Variants in SPECC1 observed in about 807,000 individuals in gnomAD.
The protein encoded by SPECC1 is cytospin-B.
SPECC1 carries 62 observed loss-of-function variants against 104.1 expected under a neutral mutation model. The ratio of observed to expected loss-of-function variants is 0.60; its 90% CI spans 0.49 to 0.74. The LOEUF (loss-of-function observed/expected upper bound fraction) is 0.74, where lower values mean the gene tolerates loss of function less well. Ranked by LOEUF, SPECC1 falls within the 30% of genes least tolerant of loss-of-function variation. The probability of loss-of-function intolerance (pLI) is 0.00; values close to 1 mark genes in which losing one functional copy is unlikely to be tolerated. For missense variants in SPECC1, 1,306 were observed against 1,310.5 expected (o/e 1.00, Z 0.05); for synonymous variants, 513 against 501.6 (o/e 1.02, Z -0.30).
intron 3 of SPECC1, among the ~76,000 whole-genome samples, chr17:20,130,074 G>A (rs1274374395): frequency 6.6e-6 from 1 of 152,102 alleles, no homozygotes; most frequent in Non-Finnish European, 1.5e-5. Context: ...ACTTCTTTAA[G>A]ATTTTCTCTT....
intron 3 of SPECC1, among the ~76,000 whole-genome samples, chr17:20,174,871 C>G (rs998513726): frequency 6.6e-6 from 1 of 152,054 alleles, no homozygotes; most frequent in Non-Finnish European, 1.5e-5. Flanking sequence ...TTCCTGGCAC[C>G]TCATTTGACC....
chr17:20,070,235 T>TTTAGTTAGTTTGTGAGTACACTCAC (rs1477187776), intron 1 of SPECC1, among the ~76,000 whole-genome samples: 3 of 152,298 alleles, frequency 2.0e-5, no homozygotes, highest in East Asian at 3.9e-4. Flanking sequence ...TAAAGTACAA[T>TTTAGTTAGTTTGTGAGTACACTCAC]GTTAGTTTGT....
At chr17:20,240,315 TG>T (rs1317091053) in intron 7 of SPECC1, among the ~76,000 whole-genome samples, 1 of 151,932 alleles carries the variant, frequency 6.6e-6, no homozygotes, top group Non-Finnish European at 1.5e-5. Flanking sequence ...CTGAGCTGAT[TG>T]TTTTTTTCTC....
intron 1 of SPECC1, among the ~76,000 whole-genome samples, chr17:20,056,102 C>G (rs759081566): frequency 6.6e-6 from 1 of 152,182 alleles, no homozygotes. Context: ...TTTTCAGAGA[C>G]TTAGTAGCAT....
At chr17:20,202,627 A>G (rs957251928) in intron 3 of SPECC1, among the ~76,000 whole-genome samples, 3 of 152,030 alleles carry the variant, frequency 2.0e-5, no homozygotes, top group African/African-American at 7.2e-5. Flanking sequence ...TCTTTTTTCT[A>G]TCTCATTTTA....
chr17:20,057,318 A>G (rs912431042), intron 1 of SPECC1, among the ~76,000 whole-genome samples: 6 of 151,940 alleles, frequency 3.9e-5, no homozygotes, highest in Admixed American at 6.6e-5. Context: ...GCGGGCGCCT[A>G]TAGTCCCAGC....
chr17:20,263,659 T>A (rs1331850998), intron 12 of SPECC1, among the ~76,000 whole-genome samples: 1 of 152,020 alleles, frequency 6.6e-6, no homozygotes, highest in Non-Finnish European at 1.5e-5. Context: ...AAGAAAACAT[T>A]TAAAAAGAGC....
intron 6 of SPECC1, 51 bp from the exon 7 acceptor site, chr17:20,232,121 ACACGGGGACTCTGGGGTCCCTGCCCAGG>A: frequency 6.5e-7 from 1 of 1,539,922 alleles, no homozygotes; most frequent in Admixed American, 1.7e-5. Flanking sequence ...TTGGTGACCA[ACACGGGGACTCTGGGGTCCCTGCCCAGG>A]CACTGGCCCT....
chr17:20,293,271 C>T (rs1373832077), intron 12 of SPECC1, among the ~76,000 whole-genome samples: 1 of 151,920 alleles, frequency 6.6e-6, no homozygotes, highest in African/African-American at 2.4e-5. Context: ...AACATGGTAC[C>T]ATATTTTAGT....
At chr17:20,080,848 G>C (rs2046941901) in intron 1 of SPECC1, among the ~76,000 whole-genome samples, 1 of 152,132 alleles carries the variant, frequency 6.6e-6, no homozygotes, top group Non-Finnish European at 1.5e-5. Context: ...CCATCCTGAG[G>C]AGGGCCAGGC....
At chr17:20,250,874 G>GGAA (rs2039598268) in intron 9 of SPECC1, among the ~76,000 whole-genome samples, 1 of 72,282 alleles carries the variant, frequency 1.4e-5, no homozygotes, top group African/African-American at 1.5e-4. Context: ...TTCCAGGAAT[G>GGAA]GAAGGTGGTT....
At chr17:20,253,744 C>G (rs961093184) in intron 10 of SPECC1, among the ~76,000 whole-genome samples, 158 bp downstream of exon 10, 1 of 152,210 alleles carries the variant, frequency 6.6e-6, no homozygotes, top group South Asian at 2.1e-4. Context: ...ATGTTAGATG[C>G]AGCAGTGCAG....
At chr17:20,060,852 A>G (rs377005290) in intron 1 of SPECC1, among the ~76,000 whole-genome samples, 1 of 152,362 alleles carries the variant, frequency 6.6e-6, no homozygotes, top group African/African-American at 2.4e-5. Flanking sequence ...TTTAACAGAT[A>G]TAAACATAAA....
chr17:20,186,688 C>G (rs2035302676), intron 3 of SPECC1, among the ~76,000 whole-genome samples: 2 of 152,210 alleles, frequency 1.3e-5, no homozygotes, highest in Non-Finnish European at 2.9e-5. Context: ...CTCAGCCTCT[C>G]CTGAGTAGCT....
At chr17:20,283,470 G>A (rs1181252469) in intron 12 of SPECC1, among the ~76,000 whole-genome samples, 2 of 152,146 alleles carry the variant, frequency 1.3e-5, no homozygotes, top group African/African-American at 4.8e-5. Flanking sequence ...GAGTGAAAAT[G>A]ATATTTTACC....
At chr17:20,247,071 C>T in intron 8 of SPECC1, 148 bp from the exon 9 acceptor site, 1 of 537,706 alleles carries the variant, frequency 1.9e-6, no homozygotes, top group Non-Finnish European at 3.3e-6. Flanking sequence ...CAGCTCTAGT[C>T]CGGAGAAGAA....
chr17:20,134,969 C>A (rs1457446683), intron 3 of SPECC1, among the ~76,000 whole-genome samples: 1 of 152,186 alleles, frequency 6.6e-6, no homozygotes, highest in Non-Finnish European at 1.5e-5. Context: ...GAAGGTCTTT[C>A]CACTGAATTC....
chr17:20,252,860 T>C (rs917605554), intron 9 of SPECC1, among the ~76,000 whole-genome samples: 10 of 152,178 alleles, frequency 6.6e-5, no homozygotes, highest in African/African-American at 2.4e-4. Context: ...AGATCCTGTT[T>C]TCAATTTTCT....
intron 3 of SPECC1, among the ~76,000 whole-genome samples, chr17:20,122,917 A>G (rs1421163274): frequency 2.6e-5 from 4 of 152,194 alleles, no homozygotes; most frequent in Non-Finnish European, 4.4e-5. Flanking sequence ...CCTTTTGGCT[A>G]TTGTGAATAA....
Sources: gnomAD v4.1 joint callset for allele counts (sites outside exome capture counted in the v4.1 genomes callset) on GRCh38, gnomAD v4.1.1 for gene constraint, MANE v1.5 for transcripts, NCBI Gene and HGNC (gene_info 2026-07-23, HGNC 2026-07-21) for gene names.